Variants in KCNH5 observed in about 807,000 individuals in gnomAD.
KCNH5 encodes the protein potassium voltage-gated channel subfamily H member 5.
Under a neutral mutation model 96.1 loss-of-function variants are expected in KCNH5, and 46 were observed. The ratio of observed to expected loss-of-function variants is 0.48; its 90% CI spans 0.38 to 0.61. KCNH5 has a LOEUF of 0.61. Ranked by LOEUF, KCNH5 falls within the 20% of genes least tolerant of loss-of-function variation. KCNH5 has a pLI of 0.00. For missense variants in KCNH5, 907 were observed against 1,225.8 expected (o/e 0.74, Z 3.88); for synonymous variants, 439 against 449.8 (o/e 0.98, Z 0.30).
intron 4 of KCNH5, among the ~76,000 whole-genome samples, chr14:62,989,262 TG>T (rs1178299746): frequency 6.6e-6 from 1 of 152,026 alleles, no homozygotes; most frequent in Non-Finnish European, 1.5e-5. Flanking sequence ...AGGATAACAC[TG>T]TATATCCTTG....
intron 1 of KCNH5, among the ~76,000 whole-genome samples, chr14:63,035,589 A>T (rs947185588): frequency 3.9e-5 from 6 of 152,236 alleles, no homozygotes; most frequent in African/African-American, 1.4e-4. Flanking sequence ...CAGGTATTGA[A>T]GTAAGCAGAA....
intron 8 of KCNH5, among the ~76,000 whole-genome samples, chr14:62,817,156 T>C (rs1482865943): frequency 7.2e-6 from 1 of 138,818 alleles, no homozygotes; most frequent in Non-Finnish European, 1.5e-5. Flanking sequence ...TACACACATA[T>C]ACATAATATA....
intron 7 of KCNH5, among the ~76,000 whole-genome samples, chr14:62,931,223 C>A (rs1307527651): frequency 6.6e-6 from 1 of 152,102 alleles, no homozygotes; most frequent in Non-Finnish European, 1.5e-5. Flanking sequence ...TAGCAATGAA[C>A]CTCTGATGGA....
intron 1 of KCNH5, among the ~76,000 whole-genome samples, chr14:63,023,297 T>C (rs150748014): frequency 7.9e-5 from 12 of 152,312 alleles, no homozygotes; most frequent in African/African-American, 2.6e-4. Context: ...CACATTTGAT[T>C]TCTCATTGCC....
intron 8 of KCNH5, among the ~76,000 whole-genome samples, chr14:62,819,133 AT>A (rs1372572181): frequency 4.0e-5 from 6 of 151,868 alleles, no homozygotes; most frequent in African/African-American, 1.5e-4. Context: ...CGCCCAGCTA[AT>A]TTTTTGTATT....
intron 8 of KCNH5, among the ~76,000 whole-genome samples, chr14:62,844,803 C>T (rs1279711630): frequency 6.6e-6 from 1 of 152,164 alleles, no homozygotes; most frequent in African/African-American, 2.4e-5. Context: ...GCATTATTCA[C>T]ATAAGTCACA....
At chr14:62,773,798 G>A (rs1053438031) in intron 10 of KCNH5, among the ~76,000 whole-genome samples, 5 of 152,116 alleles carry the variant, frequency 3.3e-5, no homozygotes, top group East Asian at 3.8e-4. Flanking sequence ...AATGAAATTC[G>A]CTTGACTGCC....
At chr14:62,731,835 T>C (rs1885057344) in intron 10 of KCNH5, among the ~76,000 whole-genome samples, 2 of 152,212 alleles carry the variant, frequency 1.3e-5, no homozygotes, top group South Asian at 4.1e-4. Flanking sequence ...GGTTCTGCCC[T>C]ACCACTGAAC....
At chr14:62,716,367 A>G (rs1349944788) in intron 10 of KCNH5, among the ~76,000 whole-genome samples, 1 of 152,192 alleles carries the variant, frequency 6.6e-6, no homozygotes, top group Non-Finnish European at 1.5e-5. Context: ...ATAGTATACT[A>G]GTCTAAAAAT....
intron 3 of KCNH5, among the ~76,000 whole-genome samples, chr14:63,003,624 A>ATATAAAATTT (rs1491457497): frequency 5.4e-5 from 5 of 92,824 alleles, no homozygotes; most frequent in African/African-American, 2.4e-4. Context: ...ATATATATAT[A>ATATAAAATTT]TTTTTTTTTT....
chr14:62,958,359 A>G lies in KCNH5; in HGVS notation c.943-7800T>C, dbSNP rs369069422. Reference sequence around the variant, plus strand: ...GATATCCATGGAGGTGAGCCTTCCAATAGCCTGGCCTTGGAGTTTCTTCAC... The same window carrying G: ...GATATCCATGGAGGTGAGCCTTCCAGTAGCCTGGCCTTGGAGTTTCTTCAC... On this transcript the variant is annotated intron_variant, in intron 6 of 10. Transcript: ENST00000322893. Among the ~76,000 whole-genome samples, 66 of 152,312 alleles carry G rather than the reference A, an allele frequency of 4.3e-4. 5 individuals are homozygous for G. In the South Asian group the frequency reaches 5.8e-3, roughly 13 times the overall value.
At chr14:62,781,885 A>G (rs904729049) in intron 9 of KCNH5, among the ~76,000 whole-genome samples, 2 of 152,234 alleles carry the variant, frequency 1.3e-5, no homozygotes, top group African/African-American at 4.8e-5. Flanking sequence ...AAAGACAGGC[A>G]TAGGAAATCA....
chr14:62,804,501 A>G (rs886216249), intron 8 of KCNH5, among the ~76,000 whole-genome samples: 1 of 152,186 alleles, frequency 6.6e-6, no homozygotes, highest in African/African-American at 2.4e-5. Flanking sequence ...AGCTAACCAG[A>G]AAGTGTGGGA....
intron 7 of KCNH5, among the ~76,000 whole-genome samples, chr14:62,852,600 T>C (rs1260336087): frequency 5.3e-5 from 8 of 152,148 alleles, no homozygotes; most frequent in Non-Finnish European, 7.4e-5. Context: ...AGAGCTTTTT[T>C]TTTTTGGCCA....
At chr14:62,721,164 C>T (rs923212456) in intron 10 of KCNH5, among the ~76,000 whole-genome samples, 10 of 151,720 alleles carry the variant, frequency 6.6e-5, no homozygotes, top group African/African-American at 2.2e-4. Context: ...CCTTCTTTGT[C>T]CGTATTTCTC....
chr14:62,970,053 A>C (rs1256491330), intron 6 of KCNH5, among the ~76,000 whole-genome samples: 1 of 149,008 alleles, frequency 6.7e-6, no homozygotes, highest in African/African-American at 2.4e-5. Flanking sequence ...CTAAAAAAAA[A>C]AAAAAAAAAA....
intron 1 of KCNH5, among the ~76,000 whole-genome samples, chr14:63,025,748 A>G (rs114001407): frequency 0.023 from 3,487 of 152,114 alleles, 133 homozygotes; most frequent in African/African-American, 0.078. Flanking sequence ...TCCTGTGTTC[A>G]TGGACTGGAA....
rs1390973326 is a variant in KCNH5, at chr14:62,743,734, A to G, written c.2020-35279T>C. Among the ~76,000 whole-genome samples, 4 of 152,242 alleles carry G rather than the reference A, an allele frequency of 2.6e-5. No homozygotes were observed. In the East Asian group the frequency reaches 5.8e-4, roughly 22 times the overall value. ...TACCACCATATTCACTGTGTTGCCT[A>G]TATCCACAAAGTGTCATATCTCTGG... On this transcript the variant is annotated intron_variant, in intron 10 of 10. Transcript: ENST00000322893.
chr14:62,710,787 C>G (rs1442650972), intron 10 of KCNH5, among the ~76,000 whole-genome samples: 1 of 152,180 alleles, frequency 6.6e-6, no homozygotes, highest in Non-Finnish European at 1.5e-5. Context: ...AGGTAAAATG[C>G]AGGTCCCCTG....
Sources: allele counts gnomAD v4.1 joint callset (sites outside exome capture counted in the v4.1 genomes callset), GRCh38; gene constraint gnomAD v4.1.1; transcripts MANE v1.5; gene names NCBI Gene and HGNC (gene_info 2026-07-23, HGNC 2026-07-21).